Variants in CFAP20DC observed in about 807,000 individuals in gnomAD.
The protein encoded by CFAP20DC is CFAP20 domain containing, also known as protein CFAP20DC.
CFAP20DC carries 84 observed loss-of-function variants against 101.7 expected under a neutral mutation model. The observed-to-expected ratio is 0.83, with a 90% CI of 0.69 to 0.99. The LOEUF (loss-of-function observed/expected upper bound fraction) is 0.99, where lower values mean the gene tolerates loss of function less well. Among genes scored for constraint, CFAP20DC ranks in the 50% least tolerant of loss-of-function variants. CFAP20DC has a pLI of 0.00. For synonymous variants in CFAP20DC, 359 were observed against 351.2 expected, an observed-to-expected ratio of 1.02 and a Z score of -0.25; for missense variants, 1,007 against 970.3, an observed-to-expected ratio of 1.04 and a Z score of -0.50.
At chr3:59,012,766 GA>G (rs1220952911) in intron 4 of CFAP20DC, among the ~76,000 whole-genome samples, 1 of 152,090 alleles carries the variant, frequency 6.6e-6, no homozygotes, top group Non-Finnish European at 1.5e-5. Context: ...AAAGGAAGTA[GA>G]AATTAAAAAG....
intron 4 of CFAP20DC, among the ~76,000 whole-genome samples, chr3:58,994,009 C>G (rs2093027417): frequency 6.6e-6 from 1 of 152,184 alleles, no homozygotes; most frequent in African/African-American, 2.4e-5. Context: ...AATCATGACA[C>G]TGTCTTCCAC....
intron 4 of CFAP20DC, among the ~76,000 whole-genome samples, chr3:58,952,360 A>G (rs1299391947): frequency 6.6e-6 from 1 of 152,140 alleles, no homozygotes; most frequent in East Asian, 1.9e-4. Flanking sequence ...CCCACCCTGG[A>G]TGTGAATTCT....
chr3:58,746,305 C>G (rs1316852040), intron 16 of CFAP20DC, among the ~76,000 whole-genome samples: 1 of 152,104 alleles, frequency 6.6e-6, no homozygotes, highest in African/African-American at 2.4e-5. Context: ...TCTCAGGGAC[C>G]TGCCATTGGA....
At chr3:58,805,518 G>A (rs1385854449) in intron 15 of CFAP20DC, among the ~76,000 whole-genome samples, 2 of 152,168 alleles carry the variant, frequency 1.3e-5, no homozygotes, top group African/African-American at 4.8e-5. Flanking sequence ...TGTAACCAAA[G>A]AGTCTTAATT....
intron 4 of CFAP20DC, among the ~76,000 whole-genome samples, chr3:59,038,917 C>G: frequency 6.6e-6 from 1 of 152,028 alleles, no homozygotes; most frequent in Non-Finnish European, 1.5e-5. Flanking sequence ...AATAGCATAC[C>G]TTAAATGTAA....
rs918617210 is a variant in CFAP20DC at position 58,903,070 on chromosome 3, G to A, written c.550+10638C>T. ...AGGATACATATCGTATCAGATATAT[G>A]ATTTGCAAATATTTTCTCACATGCT... is the stretch of plus-strand genomic sequence containing the variant. On this transcript the variant is annotated intron_variant, in intron 6 of 16. Transcript: ENST00000482387. 9.2e-5 allele frequency among the ~76,000 whole-genome samples: 14 copies of A among 152,116 alleles called. 1 individual carries two copies. The highest frequency in any genetic ancestry group is 6.5e-4 in the Admixed American group (10 of 15,270).
At position 58,875,327 on chromosome 3, in the gene CFAP20DC, T is replaced by C. The variant is rs1488232720; in HGVS notation, c.716-5018A>G. Reference sequence around the variant, plus strand: ...ACAATAGGAAGAAATGACATTCACATTCCAGAGCAATTGGAAAAATCTATT... The same window carrying C: ...ACAATAGGAAGAAATGACATTCACACTCCAGAGCAATTGGAAAAATCTATT... On this transcript the variant is annotated intron_variant, in intron 7 of 16. Coordinates refer to ENST00000482387, the MANE Select transcript of CFAP20DC (RefSeq NM_001394063.1). Among the ~76,000 whole-genome samples the C allele has an allele frequency of 2.6e-5, 4 of 152,208 alleles. No individual in the cohort carries two copies. In the South Asian group the frequency reaches 6.2e-4, roughly 24 times the overall value.
rs142563593 is a variant in CFAP20DC, at chr3:58,757,933, A to T, written c.2238-4070T>A. On this transcript the variant is annotated intron_variant, in intron 15 of 16. Coordinates refer to ENST00000482387, the MANE Select transcript of CFAP20DC (RefSeq NM_001394063.1). ...GGTTTCTATTTTAACTAAAATATAA[A>T]AAACTTTGGGCTAAACAAAATCAAC... 2.3e-3 allele frequency among the ~76,000 whole-genome samples: 344 copies of T among 152,278 alleles called. 1 individual carries two copies. The Middle Eastern group carries it at 0.037, about 17-fold the overall frequency.
Position 58,852,727 on chromosome 3 carries a change from A to G in CFAP20DC, c.1594-3318T>C, listed in dbSNP as rs1457589451. Among the ~76,000 whole-genome samples the G allele has an allele frequency of 2.6e-4, 40 of 151,474 alleles. 1 individual carries two copies. The highest frequency in any genetic ancestry group is 1.3e-4 in the Admixed American group (2 of 15,204). On this transcript the variant is annotated intron_variant, in intron 12 of 16. Coordinates refer to ENST00000482387, the MANE Select transcript of CFAP20DC (RefSeq NM_001394063.1). The stretch of plus-strand genomic sequence containing the variant: ...ATGGAAACTGAACAACCTGCTCCTG[A>G]ATGACTACTGGGTACATAACGAAAT...
At chr3:58,765,490 C>CAAAAAAAAAAAAAAAAAAAAAAAACAA (rs1337049385) in intron 15 of CFAP20DC, among the ~76,000 whole-genome samples, 2 of 81,808 alleles carry the variant, frequency 2.4e-5, no homozygotes, top group Non-Finnish European at 2.5e-5. Context: ...AAAAAAAAAC[C>CAAAAAAAAAAAAAAAAAAAAAAAACAA]AAAAAAAAAA....
intron 3 of CFAP20DC, among the ~76,000 whole-genome samples, chr3:58,720,189 T>G (rs1273871293): frequency 1.3e-5 from 2 of 152,244 alleles, no homozygotes; most frequent in East Asian, 3.8e-4. Context: ...ATGTAAGTAC[T>G]GTGAGGACAG....
chr3:59,023,619 C>T (rs1182321373), intron 4 of CFAP20DC, among the ~76,000 whole-genome samples: 1 of 151,958 alleles, frequency 6.6e-6, no homozygotes, highest in Non-Finnish European at 1.5e-5. Context: ...GCCTAGGGTG[C>T]CAGTGACCAC....
At chr3:59,042,061 A>T (rs1432576018) in intron 3 of CFAP20DC, among the ~76,000 whole-genome samples, 2 of 152,070 alleles carry the variant, frequency 1.3e-5, no homozygotes, top group Non-Finnish European at 1.5e-5. Flanking sequence ...GGGTCCTTGC[A>T]GGAGAAGAGG....
chr3:58,758,263 G>A (rs1408838726), intron 15 of CFAP20DC, among the ~76,000 whole-genome samples: 1 of 152,066 alleles, frequency 6.6e-6, no homozygotes, highest in African/African-American at 2.4e-5. Context: ...GATATTTAAT[G>A]CTGGCCCATT....
rs1476125116 is a variant in CFAP20DC, at chr3:58,912,070, G to A, written c.550+1638C>T. On this transcript the variant is annotated intron_variant, in intron 6 of 16. Transcript: ENST00000482387. This position sits in a 1 kb window ranked among gnomAD's most constrained non-coding sequence, Gnocchi z 4.4. The stretch of plus-strand genomic sequence containing the variant: ...CTTATAAAATTTACAAACGTCTCTT[G>A]TCCGTTATTGTCTCCCCTCCCATAT... Among the ~76,000 whole-genome samples, 1 of 152,008 alleles carries A rather than the reference G, an allele frequency of 6.6e-6. No individual in the cohort carries two copies. Among genetic ancestry groups the A allele is most frequent in the African/African-American group, 2.4e-5 (1 of 41,394 alleles).
chr3:58,855,460 C>T (rs969836063), intron 12 of CFAP20DC, among the ~76,000 whole-genome samples: 3 of 152,080 alleles, frequency 2.0e-5, no homozygotes, highest in Non-Finnish European at 2.9e-5. Flanking sequence ...CTAGAAATAC[C>T]ATTTGACCCA....
chr3:58,755,127 T>C (rs1553646721), intron 15 of CFAP20DC, among the ~76,000 whole-genome samples: 2 of 152,156 alleles, frequency 1.3e-5, no homozygotes, highest in Non-Finnish European at 2.9e-5. Context: ...TTTTCCAGCA[T>C]AAAAAGCATA....
intron 4 of CFAP20DC, among the ~76,000 whole-genome samples, chr3:58,995,072 C>T (rs2093070183): frequency 6.6e-6 from 1 of 152,082 alleles, no homozygotes. Flanking sequence ...TTCCTCCATG[C>T]CTTGAGAACC....
chr3:58,864,204 G>A lies in CFAP20DC; in HGVS notation c.1259-312C>T, dbSNP rs879290578. On this transcript the variant is annotated intron_variant, in intron 11 of 16. Transcript: ENST00000482387. This position sits in a 1 kb window ranked among gnomAD's most constrained non-coding sequence, Gnocchi z 4.7. ...GAACTCCTGACTTCATGATCTGCCC[G>A]CCTCGGCCTCCCAAAAAGCTGGGAT... is the stretch of plus-strand genomic sequence containing the variant. Among the ~76,000 whole-genome samples, 15 of 152,036 alleles carry A rather than the reference G, an allele frequency of 9.9e-5. No homozygotes were observed. Among genetic ancestry groups the A allele is most frequent in the African/African-American group, 3.1e-4 (13 of 41,374 alleles).
Sources: allele counts gnomAD v4.1 joint callset (sites outside exome capture counted in the v4.1 genomes callset), GRCh38; gene constraint gnomAD v4.1.1; non-coding constraint Gnocchi (gnomAD v3.1); transcripts MANE v1.5; gene names NCBI Gene and HGNC (gene_info 2026-07-23, HGNC 2026-07-21).